EPHA7: variants seen among roughly 807,000 people sequenced by gnomAD.
EPHA7 encodes the protein EPH receptor A7, also known as ephrin type-A receptor 7.
A neutral mutation model predicts 112.6 loss-of-function variants in EPHA7; 25 were observed. That is an observed-to-expected ratio of 0.22 (90% CI 0.16 to 0.31). The LOEUF is 0.31. Ranked by LOEUF, EPHA7 falls within the 10% of genes least tolerant of loss-of-function variation. EPHA7 has a pLI of 1.00. For missense variants in EPHA7, 962 were observed against 1,212.6 expected (o/e 0.79, Z 3.07); for synonymous variants, 437 against 406.5 (o/e 1.07, Z -0.90).
chr6:93,302,550 C>T (rs190383795), intron 5 of EPHA7, among the ~76,000 whole-genome samples: 2 of 152,272 alleles, frequency 1.3e-5, no homozygotes, highest in Admixed American at 6.5e-5. Context: ...ACTGCATTGG[C>T]GCATATAATT....
intron 5 of EPHA7, among the ~76,000 whole-genome samples, chr6:93,299,123 G>C (rs1324899573): frequency 6.6e-6 from 1 of 151,576 alleles, no homozygotes; most frequent in African/African-American, 2.4e-5. Flanking sequence ...TCAGGAGATC[G>C]AGACCATCCT....
chr6:93,312,381 C>T (rs1351424159), intron 5 of EPHA7, among the ~76,000 whole-genome samples: 1 of 148,792 alleles, frequency 6.7e-6, no homozygotes, highest in Non-Finnish European at 1.5e-5. Context: ...CTTCATCTTG[C>T]ACTTTCATGT....
At chr6:93,263,137 A>G (rs1481334924) in intron 9 of EPHA7, among the ~76,000 whole-genome samples, 1 of 151,364 alleles carries the variant, frequency 6.6e-6, no homozygotes, top group South Asian at 2.1e-4. Flanking sequence ...ATCAACTATC[A>G]TAACTGAAGT....
chr6:93,381,235 G>C (rs1488527064), intron 3 of EPHA7, among the ~76,000 whole-genome samples: 1 of 152,072 alleles, frequency 6.6e-6, no homozygotes, highest in Non-Finnish European at 1.5e-5. Context: ...AGAAACTTTA[G>C]TGCAATAAGT....
chr6:93,395,756 C>T (rs758096669), intron 3 of EPHA7, among the ~76,000 whole-genome samples: 1 of 151,822 alleles, frequency 6.6e-6, no homozygotes, highest in Non-Finnish European at 1.5e-5. Context: ...ACAGAAGAGG[C>T]TTAGTTCCTC....
At chr6:93,327,809 T>G (rs1364145850) in intron 5 of EPHA7, among the ~76,000 whole-genome samples, 3 of 151,524 alleles carry the variant, frequency 2.0e-5, no homozygotes, top group Non-Finnish European at 4.4e-5. Context: ...CTCTTGCTCC[T>G]GAGAACCCCT....
At chr6:93,302,931 G>A (rs768643685) in intron 5 of EPHA7, among the ~76,000 whole-genome samples, 2 of 152,050 alleles carry the variant, frequency 1.3e-5, no homozygotes, top group Admixed American at 6.6e-5. Context: ...GTTCTTAATA[G>A]GGGCCACATG....
intron 5 of EPHA7, among the ~76,000 whole-genome samples, chr6:93,295,636 C>T (rs1224683489): frequency 6.6e-6 from 1 of 151,560 alleles, no homozygotes; most frequent in Non-Finnish European, 1.5e-5. Flanking sequence ...AATTCCTTCT[C>T]TAATCAAAGG....
At chr6:93,309,289 C>A (rs1365178656) in intron 5 of EPHA7, among the ~76,000 whole-genome samples, 1 of 152,172 alleles carries the variant, frequency 6.6e-6, no homozygotes, top group Non-Finnish European at 1.5e-5. Context: ...GATGTCTTTT[C>A]TTTTAAAAGC....
At chr6:93,407,479 T>C (rs1778777267) in intron 3 of EPHA7, among the ~76,000 whole-genome samples, 1 of 152,018 alleles carries the variant, frequency 6.6e-6, no homozygotes, top group Non-Finnish European at 1.5e-5. Context: ...CAAATGAACA[T>C]AGTTCCATGG....
chr6:93,248,656 CCTCT>C (rs570468766), intron 14 of EPHA7, among the ~76,000 whole-genome samples: 4 of 146,298 alleles, frequency 2.7e-5, no homozygotes, highest in Middle Eastern at 7.0e-3. Flanking sequence ...TTTCATTCTC[CCTCT>C]CTCTCTTTTT....
At chr6:93,271,541 G>A (rs11964167) in intron 6 of EPHA7, among the ~76,000 whole-genome samples, 629 of 151,950 alleles carry the variant, frequency 4.1e-3, no homozygotes, top group African/African-American at 0.014. Flanking sequence ...TGTCTGTGAG[G>A]TGGGGTTTTA....
intron 3 of EPHA7, among the ~76,000 whole-genome samples, chr6:93,386,388 G>A (rs1562145380): frequency 6.6e-6 from 1 of 152,124 alleles, no homozygotes; most frequent in Non-Finnish European, 1.5e-5. Context: ...ATCCAATAGG[G>A]CAGTCATTAA....
chr6:93,273,026 C>G (rs2127883531), intron 5 of EPHA7, among the ~76,000 whole-genome samples: 1 of 152,022 alleles, frequency 6.6e-6, no homozygotes, highest in East Asian at 1.9e-4. Flanking sequence ...TGTGCATGAA[C>G]ACACATACAT....
At chr6:93,324,117 G>T (rs1288818515) in intron 5 of EPHA7, among the ~76,000 whole-genome samples, 1 of 151,360 alleles carries the variant, frequency 6.6e-6, no homozygotes, top group East Asian at 1.9e-4. Flanking sequence ...ACTGTCTTTT[G>T]ATGTGTTTCC....
chr6:93,299,737 T>C (rs1772874304), intron 5 of EPHA7, among the ~76,000 whole-genome samples: 1 of 152,146 alleles, frequency 6.6e-6, no homozygotes, highest in African/African-American at 2.4e-5. Flanking sequence ...TGCCCATCAA[T>C]GAAAGACTGG....
intron 6 of EPHA7, among the ~76,000 whole-genome samples, chr6:93,270,582 A>G (rs1771167571): frequency 6.6e-6 from 1 of 151,670 alleles, no homozygotes; most frequent in Admixed American, 6.6e-5. Context: ...TTTGGTGTAT[A>G]ATAAATACAT....
intron 15 of EPHA7, among the ~76,000 whole-genome samples, 178 bp from the exon 16 acceptor site, chr6:93,245,631 C>T (rs1401847111): frequency 1.3e-5 from 2 of 152,152 alleles, no homozygotes; most frequent in East Asian, 3.8e-4. Flanking sequence ...CCAGTAACTA[C>T]AAACTCCTAA....
chr6:93,392,923 CAG>C (rs1306038834), intron 3 of EPHA7, among the ~76,000 whole-genome samples: 3 of 151,532 alleles, frequency 2.0e-5, no homozygotes, highest in Admixed American at 6.6e-5. Context: ...TGAATAGAAA[CAG>C]AAATTCTTTA....
Sources: gnomAD v4.1 joint callset for allele counts (sites outside exome capture counted in the v4.1 genomes callset) on GRCh38, gnomAD v4.1.1 for gene constraint, MANE v1.5 for transcripts, NCBI Gene and HGNC (gene_info 2026-07-23, HGNC 2026-07-21) for gene names.